The following EPB41L4A variants were observed in gnomAD, a reference collection of about 807,000 sequenced individuals.
EPB41L4A encodes band 4.1-like protein 4A.
In EPB41L4A, 100 loss-of-function variants were observed where a neutral mutation model predicts 108.6. The observed-to-expected ratio is 0.92, with a 90% CI of 0.78 to 1.09. The LOEUF (loss-of-function observed/expected upper bound fraction) is 1.09. EPB41L4A is among the 50% of genes least tolerant of loss of function. The pLI is 0.00. For missense variants in EPB41L4A, 1,030 were observed against 842.7 expected (o/e 1.22, Z -2.75); for synonymous variants, 319 against 289.0 (o/e 1.10, Z -1.05).
At chr5:112,195,552 T>C (rs984561047) in intron 16 of EPB41L4A, 109 bp downstream of exon 16, 2 of 904,016 alleles carry the variant, frequency 2.2e-6, no homozygotes, top group African/African-American at 1.7e-5. Context: ...CTTTTGAAAG[T>C]AAAAAAAATA....
downstream of EPB41L4A, among the ~76,000 whole-genome samples, chr5:112,142,123 G>T (rs536344827): frequency 6.6e-6 from 1 of 152,164 alleles, no homozygotes; most frequent in Non-Finnish European, 1.5e-5. Context: ...TTTGGAGAAG[G>T]CTGGCTCTGG....
At chr5:112,253,415 A>C (rs1044020195) in intron 9 of EPB41L4A, among the ~76,000 whole-genome samples, 1 of 152,226 alleles carries the variant, frequency 6.6e-6, no homozygotes, top group Admixed American at 6.5e-5. Flanking sequence ...TGTCAATTTT[A>C]TAAAAGATAA....
At chr5:112,253,223 C>T (rs1019053203) in intron 9 of EPB41L4A, among the ~76,000 whole-genome samples, 3 of 152,098 alleles carry the variant, frequency 2.0e-5, no homozygotes, top group Non-Finnish European at 4.4e-5. Context: ...TGACAGCCAA[C>T]GAGGGACAGG....
At chr5:112,319,837 A>C (rs1755657459) in intron 1 of EPB41L4A, among the ~76,000 whole-genome samples, 1 of 152,250 alleles carries the variant, frequency 6.6e-6, no homozygotes, top group Admixed American at 6.5e-5. Context: ...TCCTTCCCTG[A>C]TGTTGAATAG....
At position 112,275,443 on chromosome 5, in the gene EPB41L4A, T is replaced by C. The variant is rs373209946; in HGVS notation, c.257-39A>G. ...TAGAAATTAAATTTCACTAAAATCA[T>C]AAATTAGTCAAAGTTACAGTATAAT... On this transcript the variant is annotated intron_variant, in intron 3 of 22. Coordinates refer to ENST00000261486, the MANE Select transcript of EPB41L4A (RefSeq NM_022140.5). 1.4e-4 allele frequency: 210 copies of C among 1,495,798 alleles called. No homozygotes were observed. The African/African-American group carries it at 2.8e-3, about 20-fold the overall frequency. 92.7% of individuals were successfully genotyped at this position (1,495,798 alleles called of 1,614,324 possible).
At position 112,234,729 on chromosome 5, in the gene EPB41L4A, C is replaced by T. The variant is rs199666804; in HGVS notation, c.992G>A (p.Arg331Gln). Reference protein sequence around the residue: ...YSGRTALQMSRDLSIQLPRPD... With the variant: ...YSGRTALQMSQDLSIQLPRPD... ...CCGGGGAAGCTGAATAGAAAGATCTCGGCTCATTTGCAAAGCTGTCCTGCC... is the reference window on the plus strand; with the variant it reads ...CCGGGGAAGCTGAATAGAAAGATCTTGGCTCATTTGCAAAGCTGTCCTGCC... The change falls in exon 12 of 23, where the codon CGA becomes CAA. Residue 331 changes from arginine to glutamine, a missense_variant. Coordinates refer to ENST00000261486, the MANE Select transcript of EPB41L4A (RefSeq NM_022140.5). The T allele has an allele frequency of 2.7e-4, 431 of 1,612,006 alleles. No individual in the cohort carries two copies. The highest frequency in any genetic ancestry group is 1.0e-3 in the Admixed American group (61 of 59,988).
intron 1 of EPB41L4A, among the ~76,000 whole-genome samples, chr5:112,359,865 A>C (rs1758608491): frequency 6.6e-6 from 1 of 152,190 alleles, no homozygotes; most frequent in Non-Finnish European, 1.5e-5. Flanking sequence ...TTTATTTTAA[A>C]GGTAAGTTAT....
chr5:112,234,414 G>A (rs1349799027), intron 12 of EPB41L4A, among the ~76,000 whole-genome samples: 1 of 151,806 alleles, frequency 6.6e-6, no homozygotes, highest in African/African-American at 2.4e-5. Flanking sequence ...CAGTCATTAA[G>A]CAGGCCATGG....
At chr5:112,155,387 A>G (rs1759612864) in intron 12 of EPB41L4A, among the ~76,000 whole-genome samples, 1 of 152,114 alleles carries the variant, frequency 6.6e-6, no homozygotes. Context: ...AAAAAAGTGT[A>G]TCAAATGCTT....
chr5:112,306,634 T>C (rs937758800), intron 2 of EPB41L4A, among the ~76,000 whole-genome samples: 4 of 152,126 alleles, frequency 2.6e-5, no homozygotes, highest in African/African-American at 9.7e-5. Flanking sequence ...AATAGGGTAT[T>C]TCTGAGATAA....
chr5:112,282,865 A>G (rs1753056904), intron 2 of EPB41L4A, among the ~76,000 whole-genome samples: 1 of 152,188 alleles, frequency 6.6e-6, no homozygotes, highest in Non-Finnish European at 1.5e-5. Context: ...TCATCATCCC[A>G]AAAGACAACC....
rs149255120 is a variant in EPB41L4A at position 112,233,953 on chromosome 5, C to G, written c.1087+681G>C. Among the ~76,000 whole-genome samples the G allele has an allele frequency of 7.0e-3, 1,058 of 152,006 alleles. 9 individuals are homozygous for G. Among genetic ancestry groups the G allele is most frequent in the African/African-American group, 0.024 (1,010 of 41,446 alleles). ...CAGCCATCCTCCTGCTTCAGCCTCCCAAAGCACTGACATTACAGGTATGAG... is the reference window on the plus strand; with the variant it reads ...CAGCCATCCTCCTGCTTCAGCCTCCGAAAGCACTGACATTACAGGTATGAG... On this transcript the variant is annotated intron_variant, in intron 12 of 22. Transcript: ENST00000261486.
At chr5:112,174,769 C>CT (rs1760775881) in intron 18 of EPB41L4A, among the ~76,000 whole-genome samples, 1 of 152,100 alleles carries the variant, frequency 6.6e-6, no homozygotes. Flanking sequence ...GTATTTTACT[C>CT]TTTTTTTGTC....
chr5:112,234,606 T>G (rs372614699), intron 12 of EPB41L4A, 28 bp downstream of exon 12: 63 of 1,608,550 alleles, frequency 3.9e-5, no homozygotes, highest in Non-Finnish European at 5.3e-5. Flanking sequence ...CAAGGTTACA[T>G]AGATAACTCA....
intron 1 of EPB41L4A, among the ~76,000 whole-genome samples, chr5:112,394,831 C>A (rs561542593): frequency 2.6e-5 from 4 of 152,314 alleles, no homozygotes; most frequent in African/African-American, 9.6e-5. Flanking sequence ...TGCTAGCTAC[C>A]TGACTTCAAA....
chr5:112,259,968 C>A lies in EPB41L4A; in HGVS notation c.654G>T (p.Lys218Asn). ...VDLHPVYGENKSEYFLGLTPV... is the reference protein window; with the variant it reads ...VDLHPVYGENNSEYFLGLTPV... ...GAGTTAATCCTAAGAAATACTCAGA[C>A]TTGTTTTCTCCCTGCAAAAACAAAC... Residue 218 changes from lysine to asparagine, a missense_variant, in exon 8 of 23, where the codon AAG becomes AAT. Coordinates refer to ENST00000261486, the MANE Select transcript of EPB41L4A (RefSeq NM_022140.5). 6.2e-7 allele frequency: 1 copy of A among 1,613,792 alleles called. No individual in the cohort carries two copies.
chr5:112,313,392 C>A (rs1755172817), intron 1 of EPB41L4A, among the ~76,000 whole-genome samples: 1 of 152,036 alleles, frequency 6.6e-6, no homozygotes, highest in Non-Finnish European at 1.5e-5. Flanking sequence ...GAGATTGAGA[C>A]CATCCTGGCT....
In EPB41L4A at chr5:112,153,693, A is replaced by C. The variant is rs527542164; in HGVS notation, n.994+4708T>G. 3.3e-5 allele frequency among the ~76,000 whole-genome samples: 5 copies of C among 151,724 alleles called. No homozygotes were observed. The South Asian group carries it at 1.0e-3, about 31-fold the overall frequency. ...ATAGCTGATAGATCAAGCAGATTAC[A>C]AATCAGTAAGGATATAGAAGATTGG... is the stretch of plus-strand genomic sequence containing the variant. On this transcript the variant is annotated intron_variant and non_coding_transcript_variant, in intron 12 of 13. Transcript: ENST00000507810.
At chr5:112,342,539 G>C (rs374614107) in intron 1 of EPB41L4A, among the ~76,000 whole-genome samples, 2 of 152,142 alleles carry the variant, frequency 1.3e-5, no homozygotes, top group South Asian at 2.1e-4. Flanking sequence ...ATTTCCCCAC[G>C]TGATGCATTA....
Sources: allele counts gnomAD v4.1 joint callset (sites outside exome capture counted in the v4.1 genomes callset), GRCh38; gene constraint gnomAD v4.1.1; transcripts MANE v1.5; gene names NCBI Gene and HGNC (gene_info 2026-07-23, HGNC 2026-07-21).